NTN1: variants seen among roughly 807,000 people sequenced by gnomAD.
NTN1 encodes netrin-1.
A neutral mutation model predicts 54.2 loss-of-function variants in NTN1; 11 were observed. That is an observed-to-expected ratio of 0.20 (90% confidence interval 0.13 to 0.34). The LOEUF is 0.34. Ranked by LOEUF, NTN1 falls within the 10% of genes least tolerant of loss-of-function variation. The pLI is 1.00. For synonymous variants in NTN1, 371 were observed against 382.0 expected, an observed-to-expected ratio of 0.97 and a Z score of 0.33; for missense variants, 740 against 893.1, an observed-to-expected ratio of 0.83 and a Z score of 2.18.
chr17:9,232,260 C>T (rs1905840036), intron 6 of NTN1, among the ~76,000 whole-genome samples: 4 of 152,304 alleles, frequency 2.6e-5, no homozygotes, highest in Middle Eastern at 3.4e-3. Flanking sequence ...GCCTGCATCC[C>T]GAGGGCACCC....
At chr17:9,127,621 T>A (rs2092251716) in intron 2 of NTN1, among the ~76,000 whole-genome samples, 1 of 151,972 alleles carries the variant, frequency 6.6e-6, no homozygotes, top group Non-Finnish European at 1.5e-5. Context: ...CACTTGGTGT[T>A]AAAAGCCACA....
chr17:9,166,434 C>A (rs2092373652), intron 3 of NTN1, among the ~76,000 whole-genome samples: 1 of 151,224 alleles, frequency 6.6e-6, no homozygotes, highest in Non-Finnish European at 1.5e-5. Flanking sequence ...CTCTGCCTCC[C>A]AGGTTCAAGC....
intron 2 of NTN1, among the ~76,000 whole-genome samples, chr17:9,054,785 A>G (rs1028979207): frequency 6.6e-6 from 1 of 152,118 alleles, no homozygotes; most frequent in Non-Finnish European, 1.5e-5. Flanking sequence ...TCCATCAGGA[A>G]CACAAGTCCC....
At chr17:9,230,707 G>T (rs988536762) in intron 6 of NTN1, among the ~76,000 whole-genome samples, 3 of 152,146 alleles carry the variant, frequency 2.0e-5, no homozygotes, top group African/African-American at 7.2e-5. Flanking sequence ...CCAGCACAGC[G>T]ACTTGCCATC....
At chr17:9,142,683 T>A in intron 2 of NTN1, among the ~76,000 whole-genome samples, 1 of 152,142 alleles carries the variant, frequency 6.6e-6, no homozygotes, top group East Asian at 1.9e-4. Flanking sequence ...GTGTACTATG[T>A]GCCAGGCATG....
chr17:9,065,568 T>C (rs970103514), intron 2 of NTN1, among the ~76,000 whole-genome samples: 3 of 152,244 alleles, frequency 2.0e-5, no homozygotes, highest in South Asian at 2.1e-4. Context: ...ACTCACTGAA[T>C]GCCTGTCTCC....
chr17:9,152,960 G>A (rs1256776612), intron 2 of NTN1, among the ~76,000 whole-genome samples: 2 of 152,166 alleles, frequency 1.3e-5, no homozygotes, highest in African/African-American at 2.4e-5. Flanking sequence ...TTTGATCTTG[G>A]TTAGTAATAG....
rs975186971 is a variant in NTN1 at position 9,211,925 on chromosome 17, G to C, written c.1412-9243G>C. Among the ~76,000 whole-genome samples, 1 of 152,132 alleles carries C rather than the reference G, an allele frequency of 6.6e-6. No individual in the cohort carries two copies. Among genetic ancestry groups the C allele is most frequent in the Non-Finnish European group, 1.5e-5 (1 of 68,042 alleles). On this transcript the variant is annotated intron_variant, in intron 5 of 6. Transcript: ENST00000173229. The surrounding 1 kb of genome is among the most constrained non-coding windows in gnomAD (Gnocchi z 4.4). ...TATATGTGAAAGACACCAGTCCTTG[G>C]CTTCCTGTGTTACAAACATTTTGGG...
chr17:9,013,216 C>CTT, the NTN1 span, among the ~76,000 whole-genome samples: 2,422 of 118,674 alleles, frequency 0.02, 102 homozygotes, highest in African/African-American at 0.066. Context: ...TTTTCTTTTT[C>CTT]TTTTTTTTTT....
At chr17:9,171,207 C>T (rs1358108168) in intron 3 of NTN1, 2 of 152,312 alleles carry the variant, frequency 1.3e-5, no homozygotes, top group South Asian at 2.1e-4. Context: ...CAGTGATCCT[C>T]CCTCCCTTGT....
intron 2 of NTN1, among the ~76,000 whole-genome samples, chr17:9,033,534 G>A (rs1222629335): frequency 6.6e-6 from 1 of 152,220 alleles, no homozygotes; most frequent in Non-Finnish European, 1.5e-5. Flanking sequence ...CACTTTGGGA[G>A]GCTGAGACGG....
At chr17:9,147,665 C>T (rs2142285909) in intron 2 of NTN1, among the ~76,000 whole-genome samples, 1 of 152,230 alleles carries the variant, frequency 6.6e-6, no homozygotes, top group East Asian at 1.9e-4. Flanking sequence ...GTCTCCTGTA[C>T]CGTATTTTTC....
intron 2 of NTN1, among the ~76,000 whole-genome samples, chr17:9,032,521 T>C (rs544747070): frequency 1.3e-5 from 2 of 152,320 alleles, no homozygotes; most frequent in South Asian, 4.1e-4. Context: ...CTGTGTGGTA[T>C]TGAGGGACGA....
At chr17:9,143,817 T>A (rs986808418) in intron 2 of NTN1, among the ~76,000 whole-genome samples, 1 of 152,126 alleles carries the variant, frequency 6.6e-6, no homozygotes, top group African/African-American at 2.4e-5. Context: ...GGGACTGAGG[T>A]CTGCAGAGGC....
chr17:9,109,962 TTG>T (rs1368288184), intron 2 of NTN1, among the ~76,000 whole-genome samples: 4 of 152,190 alleles, frequency 2.6e-5, no homozygotes, highest in Non-Finnish European at 4.4e-5. Context: ...TTCTCTTGGG[TTG>T]TCTTTTTCTT....
intron 6 of NTN1, among the ~76,000 whole-genome samples, chr17:9,237,455 G>GTAA (rs1906029183): frequency 6.6e-6 from 1 of 152,196 alleles, no homozygotes; most frequent in Non-Finnish European, 1.5e-5. Flanking sequence ...GAAGTCCAGG[G>GTAA]GGTTAAGGTG....
intron 6 of NTN1, among the ~76,000 whole-genome samples, chr17:9,228,744 C>G (rs2142366828): frequency 6.6e-6 from 1 of 152,172 alleles, no homozygotes; most frequent in East Asian, 1.9e-4. Context: ...TGACATCCCA[C>G]AAGGATGATT....
In NTN1 at chr17:9,239,665, G is replaced by A. The variant is rs911991048; in HGVS notation, c.1512G>A (p.Ala504=). 3.7e-6 allele frequency: 6 copies of A among 1,611,730 alleles called. No homozygotes were observed. The African/African-American group carries it at 6.7e-5, about 18-fold the overall frequency. The change falls in exon 7 of 7, where the codon GCG becomes GCA. Residue 504 remains alanine, a synonymous_variant. Coordinates refer to ENST00000173229, the MANE Select transcript of NTN1 (RefSeq NM_004822.3). The surrounding 1 kb of genome is among the most constrained non-coding windows in gnomAD (Gnocchi z 5.2). ...DYAVQIHILK[A]DKAGDWWKFT... is the part of the protein sequence containing the mutation. The stretch of plus-strand genomic sequence containing the variant: ...CCGTCCAGATCCACATCCTGAAGGC[G>A]GACAAGGCGGGGGACTGGTGGAAGT...
At chr17:9,018,846 T>C (rs2091837442), upstream of NTN1, among the ~76,000 whole-genome samples, 1 of 152,204 alleles carries the variant, frequency 6.6e-6, no homozygotes. Flanking sequence ...TCACAGAAAC[T>C]GTCCAACCGA....
Sources: gnomAD v4.1 joint callset for allele counts (sites outside exome capture counted in the v4.1 genomes callset) on GRCh38, gnomAD v4.1.1 for gene constraint, Gnocchi (gnomAD v3.1) non-coding constraint, MANE v1.5 for transcripts, NCBI Gene and HGNC (gene_info 2026-07-23, HGNC 2026-07-21) for gene names.